The following CSMD1 variants were observed in gnomAD, a reference collection of about 807,000 sequenced individuals.
The protein encoded by CSMD1 is CUB and sushi domain-containing protein 1.
CSMD1 carries 213 observed loss-of-function variants against 417.5 expected under a neutral mutation model. That is an observed-to-expected ratio of 0.51 (90% CI 0.46 to 0.57). The LOEUF is 0.57. Among genes scored for constraint, CSMD1 ranks in the 20% least tolerant of loss-of-function variants. CSMD1 has a pLI of 0.00. For missense variants in CSMD1, 6,923 were observed against 4,529.7 expected (o/e 1.53, Z -15.17); for synonymous variants, 2,862 against 1,736.8 (o/e 1.65, Z -16.11).
intron 3 of CSMD1, among the ~76,000 whole-genome samples, chr8:4,238,375 G>C (rs1239390213): frequency 6.6e-6 from 1 of 152,148 alleles, no homozygotes; most frequent in East Asian, 1.9e-4. Flanking sequence ...GCAGCCCAAA[G>C]CACATCTGCT....
chr8:4,412,758 C>T (rs542406715), intron 3 of CSMD1, among the ~76,000 whole-genome samples: 3 of 152,164 alleles, frequency 2.0e-5, no homozygotes, highest in African/African-American at 7.2e-5. Context: ...AATTAGACTA[C>T]TTACATTGAT....
At chr8:3,730,656 T>C (rs921125545) in intron 6 of CSMD1, among the ~76,000 whole-genome samples, 2 of 152,166 alleles carry the variant, frequency 1.3e-5, no homozygotes, top group African/African-American at 2.4e-5. Flanking sequence ...TTCTGACAGA[T>C]TGACCTTCAC....
chr8:3,522,388 T>C (rs1252765247), intron 10 of CSMD1, among the ~76,000 whole-genome samples: 3 of 152,204 alleles, frequency 2.0e-5, no homozygotes, highest in African/African-American at 4.8e-5. Context: ...TAAAAATATA[T>C]ATTGTTTCCA....
rs142040474 is a variant in CSMD1, at chr8:4,881,309, A to G, written c.85+113023T>C. Among the ~76,000 whole-genome samples, 172 of 152,150 alleles carry G rather than the reference A, an allele frequency of 1.1e-3. No homozygotes were observed. The Middle Eastern group carries it at 0.014, about 12-fold the overall frequency. ...CCCTCTACAAGGATAGTGACAATGC[A>G]TTTTTTTATTTGAATACATAATAAC... On this transcript the variant is annotated intron_variant, in intron 1 of 69. Transcript: ENST00000635120.
intron 3 of CSMD1, among the ~76,000 whole-genome samples, chr8:4,135,845 C>A (rs1325045145): frequency 6.6e-6 from 1 of 152,012 alleles, no homozygotes; most frequent in South Asian, 2.1e-4. Flanking sequence ...TACAAATTGG[C>A]ATTTTTTTAA....
intron 2 of CSMD1, among the ~76,000 whole-genome samples, chr8:4,537,250 G>C (rs1415726699): frequency 6.6e-6 from 1 of 152,112 alleles, no homozygotes; most frequent in Non-Finnish European, 1.5e-5. Context: ...ACAAAATACA[G>C]TAGGTATTTT....
chr8:3,750,813 G>T (rs557465348), intron 6 of CSMD1, among the ~76,000 whole-genome samples: 2 of 152,160 alleles, frequency 1.3e-5, no homozygotes, highest in Non-Finnish European at 2.9e-5. Flanking sequence ...TCTGTCTCCA[G>T]CTGTCCTTAG....
At chr8:4,032,130 A>G (rs759815329) in intron 3 of CSMD1, 31 bp from the exon 4 acceptor site, 5 of 1,553,632 alleles carry the variant, frequency 3.2e-6, no homozygotes, top group South Asian at 1.2e-5. Context: ...AGGAGAAAAA[A>G]CAAGTTAAAT....
At chr8:4,340,630 T>A (rs977684360) in intron 3 of CSMD1, among the ~76,000 whole-genome samples, 5 of 152,116 alleles carry the variant, frequency 3.3e-5, no homozygotes, top group Admixed American at 2.0e-4. Flanking sequence ...CCTCTGCCAA[T>A]GAGCCAAGTG....
intron 7 of CSMD1, among the ~76,000 whole-genome samples, chr8:3,626,446 T>C (rs939571755): frequency 1.3e-5 from 2 of 152,174 alleles, no homozygotes; most frequent in Non-Finnish European, 2.9e-5. Flanking sequence ...AACTTAAAAA[T>C]GTGGAAAGAA....
At position 3,560,553 on chromosome 8, in the gene CSMD1, T is replaced by G. The variant is rs73658191; in HGVS notation, c.1344+14392A>C. On this transcript the variant is annotated intron_variant, in intron 10 of 69. Coordinates refer to ENST00000635120, the MANE Select transcript of CSMD1 (RefSeq NM_033225.6). ...TTTGAGAAAAGGCAGCTCCTCTGAG[T>G]TATAAATGACTCTTAAAATGAATGG... 6.2e-3 allele frequency among the ~76,000 whole-genome samples: 950 copies of G among 152,124 alleles called. 12 individuals carry two copies. The highest frequency in any genetic ancestry group is 0.022 in the African/African-American group (911 of 41,492).
chr8:4,555,048 C>T (rs751516492), intron 2 of CSMD1, among the ~76,000 whole-genome samples: 1 of 152,152 alleles, frequency 6.6e-6, no homozygotes, highest in African/African-American at 2.4e-5. Context: ...AGGAGCCAGC[C>T]CACGCAATTC....
intron 5 of CSMD1, among the ~76,000 whole-genome samples, chr8:3,934,048 A>C (rs983290178): frequency 6.6e-6 from 1 of 152,174 alleles, no homozygotes; most frequent in South Asian, 2.1e-4. Flanking sequence ...ACTCTGCTCT[A>C]CACTGAGTAT....
In CSMD1 at chr8:4,805,710, A is replaced by G. The variant is rs1189624727; in HGVS notation, c.86-168152T>C. On this transcript the variant is annotated intron_variant, in intron 1 of 69. Transcript: ENST00000635120. ...ATGCAGATGACAGAACAGACCTCAT[A>G]AAGCATTATATTATAATTTGTTCAA... Among the ~76,000 whole-genome samples the G allele has an allele frequency of 2.0e-5, 3 of 152,208 alleles. No homozygotes were observed. In the East Asian group the frequency reaches 5.8e-4, roughly 29 times the overall value.
chr8:4,657,024 C>T (rs568034511), intron 1 of CSMD1, among the ~76,000 whole-genome samples: 1 of 152,038 alleles, frequency 6.6e-6, no homozygotes, highest in African/African-American at 2.4e-5. Context: ...CGCAAAGCCA[C>T]CAGGACACGC....
At chr8:4,558,532 C>A (rs1268369450) in intron 2 of CSMD1, among the ~76,000 whole-genome samples, 2 of 152,094 alleles carry the variant, frequency 1.3e-5, no homozygotes, top group Non-Finnish European at 2.9e-5. Flanking sequence ...CAGGAAGACT[C>A]CGAAAGCAAG....
chr8:4,778,181 T>G (rs75048748), intron 1 of CSMD1, among the ~76,000 whole-genome samples: 1,560 of 152,270 alleles, frequency 0.01, 11 homozygotes, highest in East Asian at 0.049. Context: ...TCATAAAATT[T>G]TCCATTCATT....
intron 6 of CSMD1, among the ~76,000 whole-genome samples, chr8:3,733,395 T>A (rs900794603): frequency 2.0e-5 from 3 of 148,850 alleles, no homozygotes; most frequent in African/African-American, 7.4e-5. Flanking sequence ...TTATCTGGAT[T>A]AGATGATAGA....
At chr8:4,122,542 C>A (rs927023522) in intron 3 of CSMD1, among the ~76,000 whole-genome samples, 2 of 152,136 alleles carry the variant, frequency 1.3e-5, no homozygotes, top group Non-Finnish European at 2.9e-5. Flanking sequence ...AAATACCTGC[C>A]AGTCACCCCG....
Sources: gnomAD v4.1 joint callset for allele counts (sites outside exome capture counted in the v4.1 genomes callset) on GRCh38, gnomAD v4.1.1 for gene constraint, MANE v1.5 for transcripts, NCBI Gene and HGNC (gene_info 2026-07-23, HGNC 2026-07-21) for gene names.